The following RPE65 variants were observed in gnomAD, a reference collection of about 807,000 sequenced individuals.
RPE65 encodes retinoid isomerohydrolase.
In RPE65, 58 loss-of-function variants were observed where a neutral mutation model predicts 68.5. The observed-to-expected ratio is 0.85, with a 90% confidence interval of 0.69 to 1.05. The LOEUF (loss-of-function observed/expected upper bound fraction) is 1.05, where lower values mean the gene tolerates loss of function less well. Among genes scored for constraint, RPE65 ranks in the 50% least tolerant of loss-of-function variants. The pLI is 0.00. For missense variants in RPE65, 643 were observed against 629.9 expected, an observed-to-expected ratio of 1.02 and a Z score of -0.22; for synonymous variants, 220 against 222.2, an observed-to-expected ratio of 0.99 and a Z score of 0.09.
chr1:68,441,126 C>A, intron 5 of RPE65, 126 bp from the exon 6 acceptor site: 1 of 1,121,404 alleles, frequency 8.9e-7, no homozygotes, highest in South Asian at 1.5e-5. Flanking sequence ...TTCTTCCCAT[C>A]TCTCTGGATT....
intron 5 of RPE65, among the ~76,000 whole-genome samples, chr1:68,443,211 C>G (rs576805938): frequency 6.6e-6 from 1 of 152,368 alleles, no homozygotes; most frequent in South Asian, 2.1e-4. Context: ...CAATATTCCC[C>G]TTGACATTAA....
chr1:68,444,649 A>G lies in RPE65; in HGVS notation c.377T>C (p.Val126Ala), dbSNP rs1645928574. ...FSRFFSYFRG[V>A]EVTDNALVNV... ...AACAAGGGCATTGTCAGTAACCTCT[A>G]CTCCTCGAAAGTAAGAAAAAAACCT... The change falls in exon 5 of 14, where the codon GTA becomes GCA. Residue 126 changes from valine to alanine, a missense_variant. By Grantham distance (64) the Val-to-Ala change is moderately conservative. Transcript: ENST00000262340. 5 of 1,613,922 alleles carry G rather than the reference A, an allele frequency of 3.1e-6. No individual in the cohort carries two copies. The East Asian group carries it at 6.7e-5, about 22-fold the overall frequency.
intron 5 of RPE65, among the ~76,000 whole-genome samples, chr1:68,443,101 C>A (rs1467583821): frequency 6.6e-6 from 1 of 150,618 alleles, no homozygotes; most frequent in Non-Finnish European, 1.5e-5. Context: ...CATACTACTT[C>A]TTTGAGCAAA....
intron 2 of RPE65, among the ~76,000 whole-genome samples, chr1:68,447,463 A>G (rs1645950804): frequency 6.6e-6 from 1 of 152,236 alleles, no homozygotes; most frequent in Non-Finnish European, 1.5e-5. Context: ...GTTTAGGATC[A>G]GCTCACATGT....
At chr1:68,441,659 G>A (rs1645903348) in intron 5 of RPE65, among the ~76,000 whole-genome samples, 2 of 152,024 alleles carry the variant, frequency 1.3e-5, no homozygotes, top group African/African-American at 4.8e-5. Flanking sequence ...GATAAATTGG[G>A]GTTCCAGAGA....
Position 68,431,171 on chromosome 1 carries a change from A to G in RPE65, c.1344T>C (p.Cys448=). Residue 448 remains cysteine (C), a synonymous_variant, in exon 13 of 14, where the codon TGT becomes TGC. Coordinates refer to ENST00000262340, the MANE Select transcript of RPE65 (RefSeq NM_000329.3). ...TTTCTTTAGTTTTGACATTCAGCTTACAGAGCTGTTTGTGAGAAAGAAAAA... is the reference window on the plus strand; with the variant it reads ...TTTCTTTAGTTTTGACATTCAGCTTGCAGAGCTGTTTGTGAGAAAGAAAAA... ...GLNHFVPDRL[C]KLNVKTKETW... is the part of the protein sequence containing the mutation. 6.2e-7 allele frequency: 1 copy of G among 1,613,694 alleles called. No individual in the cohort carries two copies. Among genetic ancestry groups the G allele is most frequent in the Non-Finnish European group, 8.5e-7 (1 of 1,179,734 alleles).
In RPE65 at chr1:68,439,289, C is replaced by T; in HGVS notation, c.760G>A (p.Glu254Lys). The T allele has an allele frequency of 1.9e-6, 3 of 1,613,894 alleles. No homozygotes were observed. The highest frequency in any genetic ancestry group is 2.5e-6 in the Non-Finnish European group (3 of 1,179,960). The change falls in exon 8 of 14, where the codon GAG (glutamate) becomes AAG (lysine). Residue 254 changes from glutamate to lysine, a missense_variant. Transcript: ENST00000262340. ...AACAGGTTAATTTTGACTGGTGTCT[C>T]CACAAAAACGATATAGTTGGGAGTC... The part of the protein sequence containing the change: ...GLTPNYIVFV[E>K]TPVKINLFKF...
chr1:68,444,651 T>C lies in RPE65; in HGVS notation c.375A>G (p.Gly125=), dbSNP rs992113946. 2.7e-5 allele frequency: 44 copies of C among 1,614,112 alleles called. No individual in the cohort carries two copies. In the East Asian group the frequency reaches 6.5e-4, roughly 24 times the overall value. ...IFSRFFSYFR[G]VEVTDNALVN... ...CAAGGGCATTGTCAGTAACCTCTAC[T>C]CCTCGAAAGTAAGAAAAAAACCTGT... The change falls in exon 5 of 14, where the codon GGA becomes GGG. Residue 125 remains glycine, a synonymous_variant. Transcript: ENST00000262340.
At chr1:68,439,405 C>T (rs1324830960) in intron 7 of RPE65, 82 bp from the exon 8 acceptor site, 1 of 1,591,254 alleles carries the variant, frequency 6.3e-7, no homozygotes, top group Non-Finnish European at 8.6e-7. Context: ...GTGGTATGCT[C>T]AGTTACAAGA....
chr1:68,439,920 T>C (rs1322100040), intron 6 of RPE65, among the ~76,000 whole-genome samples: 4 of 151,824 alleles, frequency 2.6e-5, no homozygotes. Flanking sequence ...TAGCTGGAGG[T>C]GGGTTTTAAG....
Position 68,438,985 on chromosome 1 carries a change from C to T in RPE65, c.955G>A (p.Glu319Lys). 3.1e-6 allele frequency: 5 copies of T among 1,614,014 alleles called. No homozygotes were observed. The highest frequency in any genetic ancestry group is 4.2e-6 in the Non-Finnish European group (5 of 1,179,958). ...FNLFHHINTYEDNGFLIVDLC... is the reference protein window; with the variant it reads ...FNLFHHINTYKDNGFLIVDLC... ...TCCACAATCAGAAACCCATTGTCTT[C>T]ATAGGTGTTGATGTGATGGAAGAGG... Residue 319 changes from glutamate to lysine, a missense_variant, in exon 9 of 14, where the codon GAA becomes AAA. Glu to Lys is a moderately conservative substitution (Grantham distance 56). Coordinates refer to ENST00000262340, the MANE Select transcript of RPE65 (RefSeq NM_000329.3).
chr1:68,430,375 A>T (rs1645817423), intron 13 of RPE65, among the ~76,000 whole-genome samples: 1 of 152,266 alleles, frequency 6.6e-6, no homozygotes, highest in African/African-American at 2.4e-5. Context: ...GGTTTCTAAG[A>T]TCGATCTGGA....
At chr1:68,443,620 C>T (rs1645918740) in intron 5 of RPE65, among the ~76,000 whole-genome samples, 1 of 152,182 alleles carries the variant, frequency 6.6e-6, no homozygotes, top group African/African-American at 2.4e-5. Context: ...ACCTGTCCCA[C>T]CTTGCATTGC....
At chr1:68,433,047 T>C (rs962684204) in intron 10 of RPE65, among the ~76,000 whole-genome samples, 2 of 152,092 alleles carry the variant, frequency 1.3e-5, no homozygotes, top group Admixed American at 1.3e-4. Context: ...GTGGAGTAAA[T>C]TTTTGGTGGG....
At chr1:68,442,158 C>T (rs965576308) in intron 5 of RPE65, among the ~76,000 whole-genome samples, 18 of 152,142 alleles carry the variant, frequency 1.2e-4, no homozygotes, top group African/African-American at 4.1e-4. Flanking sequence ...ACCAATAAGC[C>T]GGTGTAAAGC....
At chr1:68,447,836 C>A (rs545654193) in intron 2 of RPE65, among the ~76,000 whole-genome samples, 1 of 151,900 alleles carries the variant, frequency 6.6e-6, no homozygotes, top group Admixed American at 6.6e-5. Context: ...GGCGACTGAG[C>A]GAGACTCTGT....
intron 1 of RPE65, 52 bp from the exon 2 acceptor site, chr1:68,448,758 C>A (rs770672092): frequency 4.7e-6 from 7 of 1,495,172 alleles, no homozygotes; most frequent in South Asian, 3.5e-5. Context: ...TCAAAGTCCG[C>A]AGAGATAGAG....
chr1:68,430,543 G>T (rs1411552074), intron 13 of RPE65, among the ~76,000 whole-genome samples: 1 of 151,998 alleles, frequency 6.6e-6, no homozygotes, highest in Non-Finnish European at 1.5e-5. Flanking sequence ...CCCTGTCCCA[G>T]CTGAGAAGCA....
chr1:68,449,945 C>T lies in RPE65; in HGVS notation c.-40G>A. ...GGATCCAGAGTTCTGGCACCAACTG[C>T]AGAATGAAGAAGGAAGTTCTCAGCC... On this transcript the variant is annotated 5_prime_UTR_variant, in exon 1 of 14. Coordinates refer to ENST00000262340, the MANE Select transcript of RPE65 (RefSeq NM_000329.3). 1 of 1,613,468 alleles carries T rather than the reference C, an allele frequency of 6.2e-7. No homozygotes were observed. Among genetic ancestry groups the T allele is most frequent in the African/African-American group, 1.3e-5 (1 of 75,048 alleles).
Sources: allele counts gnomAD v4.1 joint callset (sites outside exome capture counted in the v4.1 genomes callset), GRCh38; gene constraint gnomAD v4.1.1; transcripts MANE v1.5; gene names NCBI Gene and HGNC (gene_info 2026-07-23, HGNC 2026-07-21).